The following MECOM variants were observed in gnomAD, a reference collection of about 807,000 sequenced individuals.
MECOM encodes histone-lysine N-methyltransferase MECOM.
In MECOM, 13 loss-of-function variants were observed where a neutral mutation model predicts 116.3. That is an observed-to-expected ratio of 0.11 (90% CI 0.07 to 0.18). MECOM has a LOEUF of 0.18. Ranked by LOEUF, MECOM falls within the 10% of genes least tolerant of loss-of-function variation. The probability of loss-of-function intolerance (pLI) is 1.00; values close to 1 mark genes in which losing one functional copy is unlikely to be tolerated. For missense variants in MECOM, 1,299 were observed against 1,509.0 expected (o/e 0.86, Z 2.31); for synonymous variants, 528 against 535.2 (o/e 0.99, Z 0.19).
intron 1 of MECOM, among the ~76,000 whole-genome samples, chr3:169,590,021 TCAGAACTATGAATCTCCA>T (rs1766221685): frequency 6.6e-6 from 1 of 152,198 alleles, no homozygotes; most frequent in Non-Finnish European, 1.5e-5. Flanking sequence ...ATCTTTGGAC[TCAGAACTATGAATCTCCA>T]CATGCCTTCC....
At chr3:169,421,994 C>G (rs1462601695) in intron 1 of MECOM, among the ~76,000 whole-genome samples, 1 of 152,058 alleles carries the variant, frequency 6.6e-6, no homozygotes, top group Non-Finnish European at 1.5e-5. Flanking sequence ...TTAAGAGAAA[C>G]ACGATTTATG....
intron 2 of MECOM, among the ~76,000 whole-genome samples, chr3:169,265,344 A>G (rs1758130114): frequency 6.6e-6 from 1 of 152,192 alleles, no homozygotes; most frequent in African/African-American, 2.4e-5. Context: ...GCAGACAGAG[A>G]TGGGCTCCAA....
chr3:169,365,422 G>A (rs991837945), intron 2 of MECOM, among the ~76,000 whole-genome samples: 3 of 152,066 alleles, frequency 2.0e-5, no homozygotes, highest in African/African-American at 7.2e-5. Context: ...AAGTTAAGAT[G>A]CAGGTACAGA....
intron 1 of MECOM, among the ~76,000 whole-genome samples, chr3:169,526,033 GA>G (rs36077732): frequency 1.3e-4 from 19 of 146,778 alleles, no homozygotes; most frequent in Admixed American, 2.0e-4. Flanking sequence ...CATCTTGAAG[GA>G]AAAAAAAAAA....
intron 1 of MECOM, among the ~76,000 whole-genome samples, chr3:169,554,569 T>G (rs1024003763): frequency 1.3e-5 from 2 of 152,194 alleles, no homozygotes; most frequent in African/African-American, 4.8e-5. Context: ...GTTTTCACTG[T>G]TAAAGATTGG....
In MECOM at chr3:169,112,889, T is replaced by A. The variant is rs776837971; in HGVS notation, c.2490-15A>T. On this transcript the variant is annotated splice_polypyrimidine_tract_variant and intron_variant, in intron 8 of 16. Coordinates refer to ENST00000651503, the MANE Select transcript of MECOM (RefSeq NM_004991.4). Reference sequence around the variant, plus strand: ...TTTTCTCTACTCTGAAAGGTTAAAATTAGATTTTGGAGATGAAGCAGTCTC... The same window carrying A: ...TTTTCTCTACTCTGAAAGGTTAAAAATAGATTTTGGAGATGAAGCAGTCTC... 1 of 1,592,076 alleles carries A rather than the reference T, an allele frequency of 6.3e-7. No individual in the cohort carries two copies. The highest frequency in any genetic ancestry group is 8.6e-7 in the Non-Finnish European group (1 of 1,162,674).
At chr3:169,602,509 G>A (rs1459544823) in intron 1 of MECOM, among the ~76,000 whole-genome samples, 1 of 152,116 alleles carries the variant, frequency 6.6e-6, no homozygotes, top group East Asian at 1.9e-4. Flanking sequence ...TTTGTTGGGA[G>A]CTGTCCTGAT....
intron 1 of MECOM, among the ~76,000 whole-genome samples, chr3:169,534,572 A>G (rs1399531308): frequency 2.0e-5 from 3 of 152,066 alleles, no homozygotes; most frequent in African/African-American, 4.8e-5. Context: ...ACTGACTTTT[A>G]TTTGACAGGA....
At chr3:169,112,717 T>C (rs185914128) in intron 9 of MECOM, 70 bp downstream of exon 9, 95 of 1,174,708 alleles carry the variant, frequency 8.1e-5, no homozygotes, top group Non-Finnish European at 1.1e-4. Context: ...GTCTTTCATT[T>C]CATTGCACCT....
chr3:169,353,028 G>GATTTT (rs1726641611), intron 2 of MECOM, among the ~76,000 whole-genome samples: 1 of 151,822 alleles, frequency 6.6e-6, no homozygotes, highest in Admixed American at 6.6e-5. Flanking sequence ...TTACATTGTT[G>GATTTT]ATTTATCCCA....
At chr3:169,360,433 T>A (rs1728106925) in intron 2 of MECOM, among the ~76,000 whole-genome samples, 1 of 151,468 alleles carries the variant, frequency 6.6e-6, no homozygotes, top group African/African-American at 2.4e-5. Flanking sequence ...TGTAATAGAT[T>A]TTCTGTAGAG....
chr3:169,600,527 G>T (rs1767708759), intron 1 of MECOM, among the ~76,000 whole-genome samples: 1 of 152,134 alleles, frequency 6.6e-6, no homozygotes, highest in Non-Finnish European at 1.5e-5. Flanking sequence ...AGAAACACCA[G>T]TTACCCAGGG....
intron 1 of MECOM, among the ~76,000 whole-genome samples, chr3:169,501,625 A>T (rs1370804322): frequency 1.3e-5 from 2 of 152,126 alleles, no homozygotes; most frequent in Non-Finnish European, 2.9e-5. Flanking sequence ...AATTAACAAC[A>T]TAAAACATTC....
chr3:169,587,423 G>A (rs918700717), intron 1 of MECOM, among the ~76,000 whole-genome samples: 3 of 119,684 alleles, frequency 2.5e-5, no homozygotes, highest in Non-Finnish European at 5.0e-5. Context: ...AAACCCACAC[G>A]CCAACACACA....
chr3:169,261,996 T>C (rs1435930128), intron 2 of MECOM, among the ~76,000 whole-genome samples: 2 of 152,178 alleles, frequency 1.3e-5, no homozygotes, highest in Non-Finnish European at 2.9e-5. Flanking sequence ...TGGGACTGAG[T>C]CCTTTACAAG....
intron 1 of MECOM, among the ~76,000 whole-genome samples, chr3:169,534,764 T>C (rs1301049863): frequency 6.6e-6 from 1 of 152,122 alleles, no homozygotes; most frequent in African/African-American, 2.4e-5. Context: ...CCCATCCCTA[T>C]TTTACAGAGG....
chr3:169,461,411 A>G (rs1194464930), intron 1 of MECOM, among the ~76,000 whole-genome samples: 2 of 152,198 alleles, frequency 1.3e-5, no homozygotes, highest in African/African-American at 4.8e-5. Flanking sequence ...ATCATGGCAA[A>G]GTTTTGAAGA....
intron 2 of MECOM, among the ~76,000 whole-genome samples, chr3:169,163,534 A>G (rs1171056103): frequency 6.6e-6 from 1 of 152,174 alleles, no homozygotes; most frequent in South Asian, 2.1e-4. Context: ...ATTTCATGTA[A>G]CAACTCACTG....
chr3:169,124,529 T>C (rs1179938658), intron 5 of MECOM, among the ~76,000 whole-genome samples: 1 of 137,184 alleles, frequency 7.3e-6, no homozygotes, highest in Non-Finnish European at 1.6e-5. Context: ...ACTGAGGAAA[T>C]TTGTGCTCTT....
Sources: allele counts gnomAD v4.1 joint callset (sites outside exome capture counted in the v4.1 genomes callset), GRCh38; gene constraint gnomAD v4.1.1; transcripts MANE v1.5; gene names NCBI Gene and HGNC (gene_info 2026-07-23, HGNC 2026-07-21).